FAM3B: variants seen among roughly 807,000 people sequenced by gnomAD.
The protein encoded by FAM3B is protein FAM3B.
FAM3B carries 29 observed loss-of-function variants against 28.4 expected under a neutral mutation model. That is an observed-to-expected ratio of 1.02 (90% CI 0.76 to 1.39). The LOEUF (loss-of-function observed/expected upper bound fraction) is 1.39. Among genes scored for constraint, FAM3B ranks in the 40% most tolerant of loss-of-function variants. The pLI is 0.00. For synonymous variants in FAM3B, 91 were observed against 103.0 expected, an observed-to-expected ratio of 0.88 and a Z score of 0.71; for missense variants, 266 against 293.9, an observed-to-expected ratio of 0.91 and a Z score of 0.69.
At chr21:41,335,685 C>T (rs2088949737) in intron 2 of FAM3B, among the ~76,000 whole-genome samples, 1 of 152,152 alleles carries the variant, frequency 6.6e-6, no homozygotes, top group African/African-American at 2.4e-5. Flanking sequence ...TCAGGTATTT[C>T]TTTATAGCAA....
At chr21:41,315,848 T>A (rs2088744883), upstream of FAM3B, among the ~76,000 whole-genome samples, 1 of 151,910 alleles carries the variant, frequency 6.6e-6, no homozygotes, top group South Asian at 2.1e-4. Flanking sequence ...ACCCACAGGG[T>A]GGATAATGTC....
intron 1 of FAM3B, chr21:41,319,345 G>C (rs2088780732): frequency 6.6e-6 from 1 of 152,222 alleles, no homozygotes; most frequent in Admixed American, 6.6e-5. Flanking sequence ...AAGTTCACTA[G>C]CTTTCCCCCT....
intron 7 of FAM3B, among the ~76,000 whole-genome samples, chr21:41,350,794 C>T (rs1446710729): frequency 1.3e-5 from 2 of 152,248 alleles, no homozygotes; most frequent in Non-Finnish European, 2.9e-5. Flanking sequence ...CGTCCTCCGA[C>T]TTCTCTGCTC....
At chr21:41,347,158 C>T in intron 6 of FAM3B, 58 bp downstream of exon 6, 2 of 1,432,918 alleles carry the variant, frequency 1.4e-6, no homozygotes, top group Non-Finnish European at 2.0e-6. Flanking sequence ...GGGGCAGAGG[C>T]TGCCAGGGTC....
At chr21:41,351,971 G>C (rs1220187687) in intron 7 of FAM3B, among the ~76,000 whole-genome samples, 1 of 152,166 alleles carries the variant, frequency 6.6e-6, no homozygotes, top group African/African-American at 2.4e-5. Flanking sequence ...CGCCTCTTCT[G>C]CACCCTGAAC....
In FAM3B at chr21:41,322,936, G is replaced by A. The variant is rs374924359; in HGVS notation, c.33G>A (p.Val11=). The A allele has an allele frequency of 1.6e-5, 26 of 1,613,804 alleles. No individual in the cohort carries two copies. Among genetic ancestry groups the A allele is most frequent in the Admixed American group, 3.3e-5 (2 of 60,012 alleles). The part of the protein sequence containing the change: MRPLAGGLLK[V]VFVVFASLCA... The stretch of plus-strand genomic sequence containing the variant: ...TCCTCTCTGCAGGCCTGCTCAAGGT[G>A]GTGTTCGTGGTCTTCGCCTCCTTGT... The change falls in exon 2 of 8, where the codon GTG becomes GTA. Residue 11 remains valine (V), a synonymous_variant. Coordinates refer to ENST00000357985, the MANE Select transcript of FAM3B (RefSeq NM_058186.4).
chr21:41,317,801 A>G lies in FAM3B; in HGVS notation c.19+903A>G, dbSNP rs11909671. On this transcript the variant is annotated intron_variant, in intron 1 of 7. Transcript: ENST00000357985. ...AGCATTCTGGCTGTGATCACACTCCAGCAAGTTCTAAATGCTCTCTTTTCT... is the reference window on the plus strand; with the variant it reads ...AGCATTCTGGCTGTGATCACACTCCGGCAAGTTCTAAATGCTCTCTTTTCT... Among the ~76,000 whole-genome samples, 325 of 152,268 alleles carry G rather than the reference A, an allele frequency of 2.1e-3. 1 individual carries two copies. The highest frequency in any genetic ancestry group is 7.0e-3 in the African/African-American group (289 of 41,580).
At chr21:41,344,111 C>G (rs1297119298) in intron 3 of FAM3B, among the ~76,000 whole-genome samples, 1 of 152,152 alleles carries the variant, frequency 6.6e-6, no homozygotes, top group African/African-American at 2.4e-5. Context: ...CAGAGTGAGA[C>G]CCTGTCTCAA....
Position 41,322,942 on chromosome 21 carries a change from C to T in FAM3B, c.39C>T (p.Phe13=), listed in dbSNP as rs186901119. Residue 13 remains phenylalanine (F), a synonymous_variant, in exon 2 of 8, where the codon TTC becomes TTT. Coordinates refer to ENST00000357985, the MANE Select transcript of FAM3B (RefSeq NM_058186.4). ...PLAGGLLKVV[F]VVFASLCAWY... is the part of the protein sequence containing the mutation. ...CTGCAGGCCTGCTCAAGGTGGTGTT[C>T]GTGGTCTTCGCCTCCTTGTGTGCCT... 6.8e-6 allele frequency: 11 copies of T among 1,613,844 alleles called. No individual in the cohort carries two copies. The highest frequency in any genetic ancestry group is 5.3e-5 in the African/African-American group (4 of 75,084).
upstream of FAM3B, chr21:41,316,784 C>A: frequency 1.6e-6 from 2 of 1,267,094 alleles, no homozygotes; most frequent in Non-Finnish European, 2.0e-6. Context: ...CCGACACGAC[C>A]GCTGCCCGCC....
chr21:41,314,452 A>G (rs1459154037), upstream of FAM3B, among the ~76,000 whole-genome samples: 1 of 152,366 alleles, frequency 6.6e-6, no homozygotes, highest in South Asian at 2.1e-4. Context: ...ATCTGTGTCT[A>G]TTTCAAAGGT....
intron 1 of FAM3B, among the ~76,000 whole-genome samples, chr21:41,310,128 A>G (rs1325133929): frequency 6.6e-6 from 1 of 152,024 alleles, no homozygotes; most frequent in Non-Finnish European, 1.5e-5. Context: ...CAGCCTCAAC[A>G]TCTTCCTTGT....
intron 4 of FAM3B, 34 bp from the exon 5 acceptor site, chr21:41,345,652 C>A: frequency 6.9e-7 from 1 of 1,447,182 alleles, no homozygotes; most frequent in Non-Finnish European, 9.3e-7. Context: ...GTTCTGTGAA[C>A]TTTCTTTTAA....
At chr21:41,339,830 A>G (rs1017235353) in intron 3 of FAM3B, among the ~76,000 whole-genome samples, 5 of 152,206 alleles carry the variant, frequency 3.3e-5, no homozygotes, top group African/African-American at 1.2e-4. Flanking sequence ...AAGAAGAGAA[A>G]GGAAAGAGTG....
Position 41,338,269 on chromosome 21 carries a change from G to A in FAM3B, c.164-109G>A, listed in dbSNP as rs532977933. 799 of 1,346,462 alleles carry A rather than the reference G, an allele frequency of 5.9e-4. 1 individual carries two copies. Among genetic ancestry groups the A allele is most frequent in the Non-Finnish European group, 7.6e-4 (744 of 978,320 alleles). The allele number at this position is 1,346,462 out of a possible 1,614,324, so 83.4% of individuals were successfully genotyped here. A position where few individuals can be genotyped will look rare whatever the true frequency, so the allele number is the denominator to read the frequency against. On this transcript the variant is annotated intron_variant, in intron 2 of 7. Coordinates refer to ENST00000357985, the MANE Select transcript of FAM3B (RefSeq NM_058186.4). ...CCCTTCCCCCTCAGGTTTTCCGACC[G>A]CTGCTTGGAGTTTCTGGTATGAAGT...
At chr21:41,339,896 G>A (rs2088988876) in intron 3 of FAM3B, among the ~76,000 whole-genome samples, 1 of 152,106 alleles carries the variant, frequency 6.6e-6, no homozygotes, top group Admixed American at 6.5e-5. Flanking sequence ...GAGGTCCCAC[G>A]ACAGGCCATC....
At chr21:41,306,515 T>C (rs1230282074) in intron 1 of FAM3B, among the ~76,000 whole-genome samples, 1 of 152,194 alleles carries the variant, frequency 6.6e-6, no homozygotes, top group Non-Finnish European at 1.5e-5. Flanking sequence ...AGAATGGATG[T>C]TGTGTTAGCA....
intron 7 of FAM3B, among the ~76,000 whole-genome samples, chr21:41,349,786 T>C (rs2089098982): frequency 6.6e-6 from 1 of 152,242 alleles, no homozygotes; most frequent in East Asian, 1.9e-4. Flanking sequence ...CCCTCTAGTC[T>C]CATGTTCCGG....
upstream of FAM3B, among the ~76,000 whole-genome samples, chr21:41,313,998 A>T (rs2088730201): frequency 6.6e-6 from 1 of 152,164 alleles, no homozygotes; most frequent in Admixed American, 6.5e-5. Flanking sequence ...CACCCCCACC[A>T]AAACAAAAAC....
Sources: allele counts gnomAD v4.1 joint callset (sites outside exome capture counted in the v4.1 genomes callset), GRCh38; gene constraint gnomAD v4.1.1; transcripts MANE v1.5; gene names NCBI Gene and HGNC (gene_info 2026-07-23, HGNC 2026-07-21).